The following SATB2 variants were observed in gnomAD, a reference collection of about 807,000 sequenced individuals.
SATB2 encodes the protein DNA-binding protein SATB2.
In SATB2, 1 loss-of-function variant was observed where a neutral mutation model predicts 73.4. The ratio of observed to expected loss-of-function variants is 0.01; its 90% confidence interval spans 0.00 to 0.06. The LOEUF (loss-of-function observed/expected upper bound fraction) is 0.06. Ranked by LOEUF, SATB2 falls within the 10% of genes least tolerant of loss-of-function variation. The pLI, the probability that SATB2 is intolerant of heterozygous loss-of-function variation, is 1.00. For missense variants in SATB2, 459 were observed against 945.8 expected, an observed-to-expected ratio of 0.49 and a Z score of 6.75; for synonymous variants, 397 against 367.0, an observed-to-expected ratio of 1.08 and a Z score of -0.93.
At chr2:199,314,778 A>C (rs62178567) in intron 9 of SATB2, among the ~76,000 whole-genome samples, 10,779 of 152,148 alleles carry the variant, frequency 0.071, 454 homozygotes, top group Middle Eastern at 0.24. Flanking sequence ...GATTATAAAG[A>C]ATGTCATGCA....
intron 3 of SATB2, among the ~76,000 whole-genome samples, chr2:199,389,847 T>G (rs1297438774): frequency 6.6e-6 from 1 of 151,390 alleles, no homozygotes; most frequent in Non-Finnish European, 1.5e-5. Context: ...TCTGTCACAC[T>G]TTTTTTTTAA....
intron 6 of SATB2, among the ~76,000 whole-genome samples, chr2:199,363,265 T>C (rs1304231991): frequency 1.3e-5 from 2 of 152,228 alleles, no homozygotes; most frequent in African/African-American, 2.4e-5. Flanking sequence ...GGCTCTCCTA[T>C]ATGTTGAAAA....
chr2:199,306,183 C>T (rs1687427207), intron 10 of SATB2, among the ~76,000 whole-genome samples: 1 of 152,102 alleles, frequency 6.6e-6, no homozygotes, highest in South Asian at 2.1e-4. Flanking sequence ...TACAGCCCTC[C>T]CCAAGTCACA....
intron 10 of SATB2, among the ~76,000 whole-genome samples, chr2:199,299,615 C>T (rs981852897): frequency 1.4e-5 from 2 of 141,600 alleles, no homozygotes; most frequent in Non-Finnish European, 3.1e-5. Context: ...GAAAACTGCT[C>T]AATGTACATG....
intron 9 of SATB2, among the ~76,000 whole-genome samples, chr2:199,323,478 C>T (rs3048312): frequency 5.4e-3 from 267 of 49,598 alleles, no homozygotes; most frequent in East Asian, 0.028. Flanking sequence ...TTTGTTCATA[C>T]ACACACACAC....
chr2:199,425,189 G>A (rs1179687185), intron 3 of SATB2, among the ~76,000 whole-genome samples: 3 of 152,168 alleles, frequency 2.0e-5, no homozygotes, highest in Admixed American at 2.0e-4. Context: ...ATTTTAATGA[G>A]ACATACCTTA....
chr2:199,295,065 A>G (rs1180486211), intron 10 of SATB2, among the ~76,000 whole-genome samples: 1 of 152,226 alleles, frequency 6.6e-6, no homozygotes, highest in East Asian at 1.9e-4. Flanking sequence ...TATAAAGTTG[A>G]TCCAACCAGA....
intron 2 of SATB2, among the ~76,000 whole-genome samples, chr2:199,451,180 T>C (rs946681191): frequency 2.6e-5 from 4 of 151,722 alleles, no homozygotes; most frequent in African/African-American, 9.7e-5. Flanking sequence ...GGGTTTCTTC[T>C]GATGGAACAT....
intron 3 of SATB2, among the ~76,000 whole-genome samples, chr2:199,405,839 C>T (rs1287595023): frequency 6.6e-6 from 1 of 151,804 alleles, no homozygotes; most frequent in African/African-American, 2.4e-5. Flanking sequence ...CAAATCCATT[C>T]TTATTTAGAA....
intron 9 of SATB2, among the ~76,000 whole-genome samples, chr2:199,314,154 A>T (rs1313575091): frequency 1.3e-5 from 2 of 152,184 alleles, no homozygotes. Flanking sequence ...CTGCATTCCC[A>T]TCAGAACAGT....
intron 3 of SATB2, among the ~76,000 whole-genome samples, chr2:199,384,447 A>G (rs981459579): frequency 1.3e-5 from 2 of 152,236 alleles, no homozygotes; most frequent in African/African-American, 2.4e-5. Context: ...CCAGCCAGGT[A>G]GAGGCTTGGA....
chr2:199,300,570 G>A lies in SATB2; in HGVS notation c.1740+8190C>T, dbSNP rs140892091. Reference sequence around the variant, plus strand: ...TATATTAGCAATTTTAGTGGTTTCTGAGCACCGGGCTTGTATCCATGAAGA... The same window carrying A: ...TATATTAGCAATTTTAGTGGTTTCTAAGCACCGGGCTTGTATCCATGAAGA... On this transcript the variant is annotated intron_variant, in intron 10 of 10. Coordinates refer to ENST00000417098, the MANE Select transcript of SATB2 (RefSeq NM_001172509.2). Among the ~76,000 whole-genome samples, 1,318 of 152,054 alleles carry A rather than the reference G, an allele frequency of 8.7e-3. 20 individuals are homozygous for A. Among genetic ancestry groups the A allele is most frequent in the African/African-American group, 0.029 (1,221 of 41,470 alleles).
In SATB2 at chr2:199,272,686, G is replaced by C; in HGVS notation, c.1741-14C>G. 1 of 1,610,534 alleles carries C rather than the reference G, an allele frequency of 6.2e-7. No homozygotes were observed. The highest frequency in any genetic ancestry group is 1.1e-5 in the South Asian group (1 of 91,020). On this transcript the variant is annotated splice_polypyrimidine_tract_variant and intron_variant, in intron 10 of 10. Coordinates refer to ENST00000417098, the MANE Select transcript of SATB2 (RefSeq NM_001172509.2). The surrounding 1 kb of genome is among the most constrained non-coding windows in gnomAD (Gnocchi z 6.7). Reference sequence around the variant, plus strand: ...TCTATGAAGTACCTGATAATTAAGAGAGAAAAAAATGAACACTGGACTCAT... The same window carrying C: ...TCTATGAAGTACCTGATAATTAAGACAGAAAAAAATGAACACTGGACTCAT...
At chr2:199,289,525 C>T (rs978351535) in intron 10 of SATB2, among the ~76,000 whole-genome samples, 1 of 152,180 alleles carries the variant, frequency 6.6e-6, no homozygotes, top group African/African-American at 2.4e-5. Context: ...TGTCTCCACA[C>T]AACGTTGCCT....
chr2:199,371,366 T>TA (rs1299245525), intron 5 of SATB2, among the ~76,000 whole-genome samples: 1 of 152,118 alleles, frequency 6.6e-6, no homozygotes, highest in Non-Finnish European at 1.5e-5. Context: ...TAATGATACA[T>TA]AAAGTTGAAA....
intron 10 of SATB2, among the ~76,000 whole-genome samples, chr2:199,284,828 C>T (rs941361681): frequency 2.0e-5 from 3 of 151,684 alleles, no homozygotes; most frequent in Non-Finnish European, 2.9e-5. Flanking sequence ...CATGTATCAA[C>T]TATTTTTTGT....
chr2:199,292,394 G>A (rs1288262680), intron 10 of SATB2, among the ~76,000 whole-genome samples: 2 of 152,132 alleles, frequency 1.3e-5, no homozygotes, highest in African/African-American at 4.8e-5. Context: ...TACTCTCCCC[G>A]AATCTGGGCA....
At chr2:199,347,506 T>C (rs567270074) in intron 7 of SATB2, 52 of 150,436 alleles carry the variant, frequency 3.5e-4, no homozygotes, top group African/African-American at 1.1e-3. Context: ...GTCTAACCCA[T>C]TGACAACCTA....
intron 3 of SATB2, among the ~76,000 whole-genome samples, chr2:199,406,816 G>C (rs1475083602): frequency 6.6e-6 from 1 of 152,034 alleles, no homozygotes; most frequent in East Asian, 1.9e-4. Context: ...TCATGTTAGG[G>C]GAGATGATTT....
Sources: gnomAD v4.1 joint callset for allele counts (sites outside exome capture counted in the v4.1 genomes callset) on GRCh38, gnomAD v4.1.1 for gene constraint, Gnocchi (gnomAD v3.1) non-coding constraint, MANE v1.5 for transcripts, NCBI Gene and HGNC (gene_info 2026-07-23, HGNC 2026-07-21) for gene names.